Variants in HDAC4 observed in about 807,000 individuals in gnomAD.
HDAC4 encodes the protein histone deacetylase A.
In HDAC4, 16 loss-of-function variants were observed where a neutral mutation model predicts 135.1. The observed-to-expected ratio is 0.12, with a 90% CI of 0.08 to 0.18. HDAC4 has a LOEUF of 0.18. Among genes scored for constraint, HDAC4 ranks in the 10% least tolerant of loss-of-function variants. The probability of loss-of-function intolerance (pLI) is 1.00; values close to 1 mark genes in which losing one functional copy is unlikely to be tolerated. For synonymous variants in HDAC4, 685 were observed against 653.4 expected (o/e 1.05, Z -0.74); for missense variants, 1,143 against 1,511.8 (o/e 0.76, Z 4.05).
At chr2:239,088,820 C>T (rs2036232101) in intron 18 of HDAC4, among the ~76,000 whole-genome samples, 1 of 152,198 alleles carries the variant, frequency 6.6e-6, no homozygotes, top group Non-Finnish European at 1.5e-5. Flanking sequence ...TGTGAGCCTG[C>T]TGGCTCTCTC....
intron 2 of HDAC4, among the ~76,000 whole-genome samples, chr2:239,334,898 AC>A (rs1219331743): frequency 2.0e-5 from 3 of 151,368 alleles, no homozygotes; most frequent in African/African-American, 7.3e-5. Context: ...GGTGGCGTGC[AC>A]CTGTAGTCCC....
intron 2 of HDAC4, among the ~76,000 whole-genome samples, chr2:239,241,884 T>A (rs1423094477): frequency 6.6e-6 from 1 of 152,190 alleles, no homozygotes; most frequent in African/African-American, 2.4e-5. Flanking sequence ...AACTTGTTTT[T>A]GGTTTTGCCA....
chr2:239,292,477 CT>C (rs1292327796), intron 2 of HDAC4, among the ~76,000 whole-genome samples: 1 of 152,212 alleles, frequency 6.6e-6, no homozygotes, highest in Non-Finnish European at 1.5e-5. Flanking sequence ...ATCTGAAGGG[CT>C]GGCAGTGACC....
chr2:239,104,265 G>A (rs570788522), intron 15 of HDAC4, among the ~76,000 whole-genome samples: 3 of 152,210 alleles, frequency 2.0e-5, no homozygotes, highest in East Asian at 1.9e-4. Context: ...AGTTTCGCTC[G>A]TTGCCCAGGC....
intron 3 of HDAC4, among the ~76,000 whole-genome samples, chr2:239,216,141 T>C (rs1023715910): frequency 6.6e-6 from 1 of 152,282 alleles, no homozygotes; most frequent in African/African-American, 2.4e-5. Context: ...TTTCCCCTAG[T>C]AATCACTGTG....
chr2:239,321,464 CAAAAAAAAA>C lies in HDAC4; in HGVS notation c.22+31205_22+31213del, dbSNP rs10530231. On this transcript the variant is annotated intron_variant, in intron 2 of 26. Transcript: ENST00000543185. ...TGGGTGAAAGAGCAAGACTCCGTCT[CAAAAAAAAA>C]AAAAAAAAAAAAAAAAAAGGTTAGC... 2.1e-4 allele frequency among the ~76,000 whole-genome samples: 12 copies of C among 56,278 alleles called. No homozygotes were observed. In the Admixed American group the frequency reaches 3.3e-3, roughly 16 times the overall value. The allele number at this position is 56,278 out of a possible 152,430, so 36.9% of individuals were successfully genotyped here.
intron 1 of HDAC4, among the ~76,000 whole-genome samples, chr2:239,391,812 G>A (rs145597879): frequency 6.7e-4 from 102 of 152,362 alleles, no homozygotes; most frequent in African/African-American, 2.3e-3. Flanking sequence ...AGAAGGATAC[G>A]TGAAACAAGA....
chr2:239,315,030 T>G (rs868616643), intron 2 of HDAC4, among the ~76,000 whole-genome samples: 3 of 152,214 alleles, frequency 2.0e-5, no homozygotes, highest in Non-Finnish European at 4.4e-5. Context: ...ACCCGGAGGC[T>G]TCGTCGGCAT....
intron 1 of HDAC4, among the ~76,000 whole-genome samples, chr2:239,389,026 C>G (rs1315402728): frequency 6.6e-6 from 1 of 152,190 alleles, no homozygotes; most frequent in Non-Finnish European, 1.5e-5. Flanking sequence ...AGAGGTGAAG[C>G]CAGCTGGACT....
rs148464363 is a variant in HDAC4 at position 239,134,420 on chromosome 2, G to A, written c.1119C>T (p.Ala373=). Reference sequence around the variant, plus strand: ...GGAGGGCGGGAAGGGTGAGTCTCTCGGCGTCCTGCTGGCCCGCCGTGCCCT... The same window carrying A: ...GGAGGGCGGGAAGGGTGAGTCTCTCAGCGTCCTGCTGGCCCGCCGTGCCCT... ...PSAGTAGQQD[A]ERLTLPALQQ... The change falls in exon 11 of 27, where the codon GCC becomes GCT. Residue 373 remains alanine (A), a synonymous_variant. Transcript: ENST00000543185. The A allele has an allele frequency of 6.2e-6, 10 of 1,613,146 alleles. No homozygotes were observed. The highest frequency in any genetic ancestry group is 2.7e-5 in the African/African-American group (2 of 74,904).
intron 22 of HDAC4, among the ~76,000 whole-genome samples, chr2:239,072,558 GCCTC>G (rs1490105270): frequency 7.2e-5 from 11 of 152,172 alleles, no homozygotes; most frequent in Admixed American, 5.2e-4. Context: ...CCCGATGGGC[GCCTC>G]CCTTCATATG....
chr2:239,062,667 G>A (rs1341752572), intron 24 of HDAC4, among the ~76,000 whole-genome samples: 2 of 152,106 alleles, frequency 1.3e-5, no homozygotes, highest in Admixed American at 1.3e-4. Context: ...CCTTTTAACT[G>A]GAGCAAAAAG....
At chr2:239,363,523 G>A (rs1432765137) in intron 1 of HDAC4, among the ~76,000 whole-genome samples, 2 of 152,186 alleles carry the variant, frequency 1.3e-5, no homozygotes, top group Non-Finnish European at 2.9e-5. Context: ...CAGTGCTTGC[G>A]TCAGCTGCTC....
chr2:239,176,485 C>A lies in HDAC4; in HGVS notation c.418G>T (p.Glu140Ter). The A allele has an allele frequency of 6.2e-7, 1 of 1,613,546 alleles. No individual in the cohort carries two copies. Residue 140 changes from glutamate (E) to a stop codon, truncating the protein, a stop_gained, in exon 5 of 27, where the codon GAG becomes TAG. Coordinates refer to ENST00000543185, the MANE Select transcript of HDAC4 (RefSeq NM_001378414.1). LOFTEE classifies it high-confidence loss of function. ...HQRKLERHRQ[E>*]QELEKQHREQ... ...CGGTGCTGCTTCTCCAGCTCCTGCT[C>A]CTGGCGGTGCCTCTCCAGCTTCCGC...
At chr2:239,137,923 G>C (rs891646830) in intron 9 of HDAC4, among the ~76,000 whole-genome samples, 7 of 152,102 alleles carry the variant, frequency 4.6e-5, no homozygotes, top group African/African-American at 9.7e-5. Flanking sequence ...CTTCATTTAC[G>C]TATCGTGATT....
intron 3 of HDAC4, among the ~76,000 whole-genome samples, chr2:239,198,063 C>T (rs1033879815): frequency 2.0e-5 from 3 of 152,112 alleles, no homozygotes; most frequent in Non-Finnish European, 4.4e-5. Flanking sequence ...CCAGGCTGGT[C>T]TCAAACTCCT....
In HDAC4 at chr2:239,332,663, A is replaced by C. The variant is rs192639609; in HGVS notation, c.22+20015T>G. Among the ~76,000 whole-genome samples the C allele has an allele frequency of 2.0e-3, 303 of 152,184 alleles. 2 individuals carry two copies. Among genetic ancestry groups the C allele is most frequent in the Non-Finnish European group, 3.4e-3 (232 of 67,984 alleles). The stretch of plus-strand genomic sequence containing the variant: ...AAAAAAATCAGTGATCTAAATATTT[A>C]CCTTAATCAGTAAAAACAACAACCC... On this transcript the variant is annotated intron_variant, in intron 2 of 26. Coordinates refer to ENST00000543185, the MANE Select transcript of HDAC4 (RefSeq NM_001378414.1).
At chr2:239,250,549 G>A (rs1052451204) in intron 2 of HDAC4, among the ~76,000 whole-genome samples, 12 of 152,222 alleles carry the variant, frequency 7.9e-5, no homozygotes, top group Non-Finnish European at 1.5e-4. Flanking sequence ...GACACAGTGG[G>A]TACAAAATCA....
At chr2:239,081,239 CCTGT>C (rs2035291588) in intron 21 of HDAC4, 47 bp from the exon 22 acceptor site, 3 of 1,521,180 alleles carry the variant, frequency 2.0e-6, no homozygotes, top group African/African-American at 1.4e-5. Flanking sequence ...CCGAGCGGGA[CCTGT>C]CTGACAGGAA....
Sources: gnomAD v4.1 joint callset for allele counts (sites outside exome capture counted in the v4.1 genomes callset) on GRCh38, gnomAD v4.1.1 for gene constraint, MANE v1.5 for transcripts, NCBI Gene and HGNC (gene_info 2026-07-23, HGNC 2026-07-21) for gene names.